Variants in GLYATL2 observed in about 807,000 individuals in gnomAD.
The protein encoded by GLYATL2 is glycine N-acyltransferase-like protein 2.
A neutral mutation model predicts 21.4 loss-of-function variants in GLYATL2; 25 were observed. The observed-to-expected ratio is 1.17, with a 90% CI of 0.85 to 1.63. GLYATL2 has a LOEUF of 1.63. GLYATL2 is among the 40% of genes most tolerant of loss of function. The pLI is 0.00. For missense variants in GLYATL2, 361 were observed against 343.3 expected, an observed-to-expected ratio of 1.05 and a Z score of -0.41; for synonymous variants, 114 against 118.2, an observed-to-expected ratio of 0.96 and a Z score of 0.23.
upstream of GLYATL2, chr11:58,905,566 C>T (rs1255107163): frequency 2.2e-6 from 1 of 456,298 alleles, no homozygotes; most frequent in Admixed American, 2.3e-5. Context: ...CCCATACCCA[C>T]CCGGCTGCCG....
chr11:58,866,153 C>A (rs1385055664), intron 1 of GLYATL2, among the ~76,000 whole-genome samples: 1 of 149,066 alleles, frequency 6.7e-6, no homozygotes, highest in Non-Finnish European at 1.5e-5. Context: ...CCATGAAGTA[C>A]CTAAACATCC....
intron 1 of GLYATL2, among the ~76,000 whole-genome samples, chr11:58,877,999 C>T (rs1462087264): frequency 6.6e-6 from 1 of 152,192 alleles, no homozygotes; most frequent in African/African-American, 2.4e-5. Flanking sequence ...ATACTTCAAC[C>T]ACTGATAGAC....
chr11:58,888,692 T>C (rs1401746863), intron 1 of GLYATL2, among the ~76,000 whole-genome samples: 2 of 151,924 alleles, frequency 1.3e-5, no homozygotes, highest in Admixed American at 6.6e-5. Context: ...AATTTTAATA[T>C]CTAATAAAGC....
intron 1 of GLYATL2, among the ~76,000 whole-genome samples, chr11:58,865,525 C>A (rs1413605264): frequency 2.7e-5 from 4 of 149,230 alleles, no homozygotes; most frequent in African/African-American, 7.2e-5. Context: ...TGGAAACCAG[C>A]ATTTTCCAAA....
chr11:58,865,353 A>G (rs1854005602), intron 1 of GLYATL2, among the ~76,000 whole-genome samples: 1 of 148,936 alleles, frequency 6.7e-6, no homozygotes, highest in South Asian at 2.1e-4. Flanking sequence ...TTCCTTAACA[A>G]AATAGGACTT....
chr11:58,893,626 GA>G (rs1419311405), intron 1 of GLYATL2, among the ~76,000 whole-genome samples: 1 of 152,164 alleles, frequency 6.6e-6, no homozygotes, highest in Non-Finnish European at 1.5e-5. Context: ...TGCTATTGAG[GA>G]ACTTACAATC....
intron 1 of GLYATL2, among the ~76,000 whole-genome samples, chr11:58,852,963 T>A (rs1853767196): frequency 3.9e-5 from 6 of 152,236 alleles, no homozygotes; most frequent in Admixed American, 3.9e-4. Flanking sequence ...ACAATGCTAA[T>A]GAGTAAAGTA....
chr11:58,844,961 C>G (rs1853617102), upstream of GLYATL2, among the ~76,000 whole-genome samples: 1 of 152,110 alleles, frequency 6.6e-6, no homozygotes, highest in South Asian at 2.1e-4. Flanking sequence ...AATGAGAACT[C>G]AGTTTCATAT....
intron 1 of GLYATL2, among the ~76,000 whole-genome samples, chr11:58,870,158 G>A (rs747575093): frequency 6.6e-6 from 1 of 152,158 alleles, no homozygotes; most frequent in Non-Finnish European, 1.5e-5. Flanking sequence ...GCATTGCAGA[G>A]AGACTAGGGG....
At chr11:58,881,312 T>C (rs959458467) in intron 1 of GLYATL2, among the ~76,000 whole-genome samples, 1 of 152,218 alleles carries the variant, frequency 6.6e-6, no homozygotes, top group Non-Finnish European at 1.5e-5. Flanking sequence ...AACTGAAATT[T>C]GGAACCAGCC....
chr11:58,882,743 T>G (rs1854363382), intron 1 of GLYATL2, among the ~76,000 whole-genome samples: 1 of 152,230 alleles, frequency 6.6e-6, no homozygotes, highest in South Asian at 2.1e-4. Flanking sequence ...TGATCCATCT[T>G]GAATTAATTT....
chr11:58,864,722 G>A (rs1300731531), intron 1 of GLYATL2, among the ~76,000 whole-genome samples: 1 of 148,842 alleles, frequency 6.7e-6, no homozygotes, highest in Non-Finnish European at 1.5e-5. Flanking sequence ...CTTTCACCTG[G>A]TATCCTTAGT....
chr11:58,845,375 A>G (rs556937491), upstream of GLYATL2, among the ~76,000 whole-genome samples: 5 of 152,184 alleles, frequency 3.3e-5, no homozygotes, highest in Non-Finnish European at 7.3e-5. Flanking sequence ...CTCAGGCAGG[A>G]GGGTCGCTTG....
At chr11:58,886,485 A>G (rs577344312) in intron 1 of GLYATL2, among the ~76,000 whole-genome samples, 1 of 152,352 alleles carries the variant, frequency 6.6e-6, no homozygotes, top group African/African-American at 2.4e-5. Flanking sequence ...CTATATAACC[A>G]TAGGCCCTTC....
At chr11:58,893,975 TG>T (rs1854590717) in intron 1 of GLYATL2, among the ~76,000 whole-genome samples, 2 of 152,146 alleles carry the variant, frequency 1.3e-5, no homozygotes, top group Admixed American at 6.5e-5. Flanking sequence ...CTAAGACAAA[TG>T]GCTTTCCTAG....
At chr11:58,845,039 A>T (rs529861268), upstream of GLYATL2, among the ~76,000 whole-genome samples, 257 of 152,230 alleles carry the variant, frequency 1.7e-3, no homozygotes, top group African/African-American at 6.0e-3. Context: ...AAGAAAAATC[A>T]ATTACTGGAG....
At chr11:58,856,074 T>A (rs1853823002) in intron 1 of GLYATL2, among the ~76,000 whole-genome samples, 1 of 152,096 alleles carries the variant, frequency 6.6e-6, no homozygotes, top group African/African-American at 2.4e-5. Context: ...CAGGTTGCAG[T>A]GAGCCCTGAT....
At chr11:58,903,856 T>G (rs1183933052) in intron 1 of GLYATL2, among the ~76,000 whole-genome samples, 1 of 152,188 alleles carries the variant, frequency 6.6e-6, no homozygotes, top group Non-Finnish European at 1.5e-5. Context: ...ATGTGTTGAG[T>G]GTCCACTTCT....
intron 1 of GLYATL2, among the ~76,000 whole-genome samples, chr11:58,896,936 C>A (rs1021535211): frequency 6.6e-6 from 1 of 152,160 alleles, no homozygotes; most frequent in Admixed American, 6.6e-5. Flanking sequence ...GAAGATTCCA[C>A]CTCCTGTTCT....
Sources: allele counts gnomAD v4.1 joint callset (sites outside exome capture counted in the v4.1 genomes callset), GRCh38; gene constraint gnomAD v4.1.1; transcripts MANE v1.5; gene names NCBI Gene and HGNC (gene_info 2026-07-23, HGNC 2026-07-21).